The following PECR variants were observed in gnomAD, a reference collection of about 807,000 sequenced individuals.
PECR encodes the protein 2,4-dienoyl-CoA reductase-related protein.
A neutral mutation model predicts 35.3 loss-of-function variants in PECR; 30 were observed. That is an observed-to-expected ratio of 0.85 (90% CI 0.64 to 1.15). The LOEUF (loss-of-function observed/expected upper bound fraction) is 1.15. Ranked by LOEUF, PECR falls within the 50% of genes most tolerant of loss-of-function variation. The pLI, the probability that PECR is intolerant of heterozygous loss-of-function variation, is 0.00. For missense variants in PECR, 392 were observed against 370.8 expected, an observed-to-expected ratio of 1.06 and a Z score of -0.47; for synonymous variants, 148 against 138.9, an observed-to-expected ratio of 1.07 and a Z score of -0.46.
rs147914973 is a variant in PECR, at chr2:216,068,108, T to G, written c.125-1590A>C. ...CAGTCCTGGTGGCATGTGCCTGTAA[T>G]CTCAGCTACTCAGGAGGCTGAGGCA... On this transcript the variant is annotated intron_variant, in intron 1 of 7. Transcript: ENST00000265322. Among the ~76,000 whole-genome samples the G allele has an allele frequency of 4.3e-3, 646 of 150,768 alleles. 4 individuals carry two copies. The highest frequency in any genetic ancestry group is 0.015 in the African/African-American group (612 of 41,032).
At chr2:216,042,847 C>T (rs1694910668) in intron 7 of PECR, among the ~76,000 whole-genome samples, 1 of 151,614 alleles carries the variant, frequency 6.6e-6, no homozygotes, top group Non-Finnish European at 1.5e-5. Context: ...ATCTCCGCCT[C>T]CTGGGTTTAC....
At chr2:216,050,112 C>T (rs1695076663) in intron 5 of PECR, among the ~76,000 whole-genome samples, 1 of 152,190 alleles carries the variant, frequency 6.6e-6, no homozygotes, top group African/African-American at 2.4e-5. Flanking sequence ...GTCCCAGCTA[C>T]TCAGGAGGCT....
chr2:216,040,712 T>C (rs762340643), intron 7 of PECR, among the ~76,000 whole-genome samples: 1 of 152,064 alleles, frequency 6.6e-6, no homozygotes, highest in Non-Finnish European at 1.5e-5. Flanking sequence ...CTACTAAAAC[T>C]ACAAAAAAAT....
At chr2:216,063,105 T>A (rs1426948577) in intron 3 of PECR, among the ~76,000 whole-genome samples, 1 of 152,160 alleles carries the variant, frequency 6.6e-6, no homozygotes, top group Non-Finnish European at 1.5e-5. Context: ...CATACTTTTT[T>A]TTAACAGAAA....
chr2:216,081,732 A>G lies in PECR; in HGVS notation c.10T>C (p.Trp4Arg). The change falls in exon 1 of 8, where the codon TGG becomes CGG. Residue 4 changes from tryptophan to arginine, a missense_variant. Coordinates refer to ENST00000265322, the MANE Select transcript of PECR (RefSeq NM_018441.6). ...GCCAGGTAGCTCCTGCCCTTAGCCC[A>G]GGAGGCCATCCCTGCAGCGGGGTGC... The part of the protein sequence containing the change: MAS[W>R]AKGRSYLAPG... The G allele has an allele frequency of 5.0e-6, 8 of 1,613,276 alleles. No homozygotes were observed. Among genetic ancestry groups the G allele is most frequent in the Non-Finnish European group, 6.8e-6 (8 of 1,179,902 alleles).
chr2:216,073,009 T>G (rs573105864), intron 1 of PECR, among the ~76,000 whole-genome samples: 14 of 152,356 alleles, frequency 9.2e-5, no homozygotes, highest in African/African-American at 2.9e-4. Context: ...TAGGTTATAA[T>G]TTAGTAAACT....
chr2:216,041,065 T>C (rs1263270444), intron 7 of PECR, among the ~76,000 whole-genome samples: 1 of 152,086 alleles, frequency 6.6e-6, no homozygotes, highest in Non-Finnish European at 1.5e-5. Context: ...GCTGCCAATC[T>C]TAAAAGAAAA....
intron 1 of PECR, among the ~76,000 whole-genome samples, chr2:216,073,928 T>C (rs561846634): frequency 2.6e-5 from 4 of 152,338 alleles, no homozygotes; most frequent in East Asian, 3.8e-4. Flanking sequence ...AAGTGACACA[T>C]GACTGTATAT....
chr2:216,061,490 C>T (rs190554638), intron 3 of PECR, among the ~76,000 whole-genome samples: 89 of 151,954 alleles, frequency 5.9e-4, no homozygotes, highest in African/African-American at 1.9e-3. Context: ...CTTAGACAAG[C>T]GAAAAAATTT....
chr2:216,049,048 G>T (rs935216220), intron 6 of PECR, among the ~76,000 whole-genome samples: 11 of 152,056 alleles, frequency 7.2e-5, no homozygotes, highest in Non-Finnish European at 1.5e-4. Context: ...AAAAAATGCT[G>T]TTATTAATTT....
intron 4 of PECR, among the ~76,000 whole-genome samples, chr2:216,055,099 G>A (rs561410840): frequency 2.0e-4 from 28 of 142,502 alleles, no homozygotes; most frequent in African/African-American, 5.3e-4. Flanking sequence ...GTGATAGAGC[G>A]AGACTGTGTC....
intron 7 of PECR, among the ~76,000 whole-genome samples, chr2:216,041,199 C>CA (rs1172633309): frequency 2.6e-5 from 4 of 151,802 alleles, no homozygotes; most frequent in African/African-American, 7.3e-5. Flanking sequence ...GTTAGAATTA[C>CA]AAAAGAAAAT....
chr2:216,052,046 C>A (rs746467442), intron 4 of PECR, among the ~76,000 whole-genome samples: 17 of 152,086 alleles, frequency 1.1e-4, no homozygotes, highest in Admixed American at 5.9e-4. Flanking sequence ...AATTACCGGG[C>A]ATGGTGGCAG....
chr2:216,047,363 T>C (rs773970446), intron 6 of PECR, among the ~76,000 whole-genome samples: 9 of 152,202 alleles, frequency 5.9e-5, no homozygotes, highest in Non-Finnish European at 1.0e-4. Context: ...GTTCTAAGCA[T>C]GATAACTCTT....
At chr2:216,062,203 T>C (rs1234943140) in intron 3 of PECR, among the ~76,000 whole-genome samples, 4 of 151,878 alleles carry the variant, frequency 2.6e-5, no homozygotes, top group Non-Finnish European at 5.9e-5. Flanking sequence ...GCACCACCAC[T>C]CCCGGCTAAT....
intron 6 of PECR, among the ~76,000 whole-genome samples, chr2:216,047,505 T>C (rs761483242): frequency 2.0e-5 from 3 of 152,172 alleles, no homozygotes; most frequent in Non-Finnish European, 4.4e-5. Context: ...TTGCTGAGTG[T>C]TTTATCCTTT....
At chr2:216,048,843 CAAAAAAAAAAAAA>C (rs59623283) in intron 6 of PECR, among the ~76,000 whole-genome samples, 1 of 74,090 alleles carries the variant, frequency 1.3e-5, no homozygotes, top group South Asian at 5.2e-4. Context: ...CTGTCTCAAG[CAAAAAAAAAAAAA>C]AAAAAAAAAA....
At chr2:216,066,326 A>T in intron 2 of PECR, 59 bp downstream of exon 2, 1 of 1,473,244 alleles carries the variant, frequency 6.8e-7, no homozygotes, top group Non-Finnish European at 9.5e-7. Context: ...AGCCAGGTTT[A>T]AGAAACACTA....
rs1006013155 is a variant in PECR, at chr2:216,077,313, T to C, written c.124+4305A>G. ...CAAGGTCAAGAGATCGAGACCATCCTGGCTAACACGGTGAAACCCCCGTCT... is the reference window on the plus strand; with the variant it reads ...CAAGGTCAAGAGATCGAGACCATCCCGGCTAACACGGTGAAACCCCCGTCT... On this transcript the variant is annotated intron_variant, in intron 1 of 7. Transcript: ENST00000265322. Among the ~76,000 whole-genome samples the C allele has an allele frequency of 2.5e-5, 3 of 122,358 alleles. No homozygotes were observed. In the Admixed American group the frequency reaches 2.6e-4, roughly 11 times the overall value. The allele number at this position is 122,358 out of a possible 152,430, so 80.3% of individuals were successfully genotyped here.
Sources: gnomAD v4.1 joint callset for allele counts (sites outside exome capture counted in the v4.1 genomes callset) on GRCh38, gnomAD v4.1.1 for gene constraint, MANE v1.5 for transcripts, NCBI Gene and HGNC (gene_info 2026-07-23, HGNC 2026-07-21) for gene names.